PIP5K1B: variants seen among roughly 807,000 people sequenced by gnomAD.
PIP5K1B encodes phosphatidylinositol 4-phosphate 5-kinase type-1 beta.
In PIP5K1B, 42 loss-of-function variants were observed where a neutral mutation model predicts 67.0. The ratio of observed to expected loss-of-function variants is 0.63; its 90% CI spans 0.49 to 0.81. PIP5K1B has a LOEUF of 0.81. Among genes scored for constraint, PIP5K1B ranks in the 30% least tolerant of loss-of-function variants. The probability of loss-of-function intolerance (pLI) is 0.00; values close to 1 mark genes in which losing one functional copy is unlikely to be tolerated. For missense variants in PIP5K1B, 459 were observed against 646.3 expected (o/e 0.71, Z 3.14); for synonymous variants, 214 against 231.4 (o/e 0.92, Z 0.68).
chr9:68,733,485 T>C (rs943222168), intron 1 of PIP5K1B, among the ~76,000 whole-genome samples: 40 of 152,186 alleles, frequency 2.6e-4, no homozygotes, highest in Non-Finnish European at 5.1e-4. Flanking sequence ...AATCCTATTG[T>C]TTATACTATG....
rs140776260 is a variant in PIP5K1B at position 68,815,456 on chromosome 9, A to C, written c.-85-3005A>C. 1.0e-3 allele frequency among the ~76,000 whole-genome samples: 157 copies of C among 152,254 alleles called. 1 individual carries two copies. In the East Asian group the frequency reaches 0.026, roughly 25 times the overall value. On this transcript the variant is annotated intron_variant, in intron 2 of 15. Transcript: ENST00000265382. ...TAAAGAATGTACATATACACATGCAACATTAGGAATGAGGAAAAAAAATTG... is the reference window on the plus strand; with the variant it reads ...TAAAGAATGTACATATACACATGCACCATTAGGAATGAGGAAAAAAAATTG...
intron 6 of PIP5K1B, among the ~76,000 whole-genome samples, chr9:68,887,271 G>A (rs1441816542): frequency 1.3e-5 from 2 of 152,212 alleles, no homozygotes; most frequent in Non-Finnish European, 2.9e-5. Flanking sequence ...ATGAGTGCCT[G>A]GGACATAGCA....
intron 8 of PIP5K1B, among the ~76,000 whole-genome samples, chr9:68,907,417 T>C (rs1463652769): frequency 6.6e-6 from 1 of 152,018 alleles, no homozygotes; most frequent in Non-Finnish European, 1.5e-5. Context: ...ATCATGTGCA[T>C]ATATTAAAAT....
chr9:68,995,802 TCTC>T (rs1830578947), intron 15 of PIP5K1B, among the ~76,000 whole-genome samples: 1 of 116,634 alleles, frequency 8.6e-6, no homozygotes, highest in Non-Finnish European at 1.8e-5. Context: ...CAAAACTCCG[TCTC>T]AAAAAAAAAA....
At chr9:68,866,264 C>G (rs1460911628) in intron 5 of PIP5K1B, among the ~76,000 whole-genome samples, 2 of 150,964 alleles carry the variant, frequency 1.3e-5, no homozygotes, top group African/African-American at 4.9e-5. Flanking sequence ...CCACTGCACT[C>G]CAGTCTGGGC....
intron 13 of PIP5K1B, among the ~76,000 whole-genome samples, chr9:68,939,139 T>G (rs141575424): frequency 1.7e-4 from 26 of 152,198 alleles, no homozygotes; most frequent in African/African-American, 5.3e-4. Flanking sequence ...CATCTTAGAG[T>G]TCTACCTACG....
chr9:68,806,663 T>C (rs998405225), intron 2 of PIP5K1B, among the ~76,000 whole-genome samples: 5 of 152,172 alleles, frequency 3.3e-5, no homozygotes, highest in Non-Finnish European at 5.9e-5. Context: ...AGACATGCCA[T>C]GGCCCTTCCC....
At chr9:68,727,331 G>T (rs995905830) in intron 1 of PIP5K1B, among the ~76,000 whole-genome samples, 1 of 152,114 alleles carries the variant, frequency 6.6e-6, no homozygotes, top group South Asian at 2.1e-4. Context: ...TCACTCTCAC[G>T]AAGTCTTCTA....
intron 12 of PIP5K1B, among the ~76,000 whole-genome samples, chr9:68,928,421 T>C (rs1248922821): frequency 1.3e-5 from 2 of 152,230 alleles, no homozygotes; most frequent in Non-Finnish European, 2.9e-5. Context: ...AATGTGGGAT[T>C]CTTTTTAGTT....
chr9:68,884,386 A>G (rs1270258949), intron 6 of PIP5K1B, among the ~76,000 whole-genome samples: 1 of 151,834 alleles, frequency 6.6e-6, no homozygotes, highest in Non-Finnish European at 1.5e-5. Context: ...TACACAGGCC[A>G]AGCATGGTGG....
chr9:68,827,116 G>A (rs1834028830), intron 4 of PIP5K1B, among the ~76,000 whole-genome samples: 1 of 152,166 alleles, frequency 6.6e-6, no homozygotes, highest in Admixed American at 6.5e-5. Context: ...TGATGTCAGG[G>A]AGTCCAATGA....
At chr9:68,998,554 G>A (rs563155408) in intron 15 of PIP5K1B, among the ~76,000 whole-genome samples, 1 of 152,162 alleles carries the variant, frequency 6.6e-6, no homozygotes, top group African/African-American at 2.4e-5. Flanking sequence ...GAAAGCCAGT[G>A]TTTGCCATTT....
chr9:68,840,801 A>G (rs768073205), intron 4 of PIP5K1B, among the ~76,000 whole-genome samples: 2 of 152,166 alleles, frequency 1.3e-5, no homozygotes, highest in Non-Finnish European at 2.9e-5. Flanking sequence ...ATCAACCTTG[A>G]TCGTATTTGC....
At chr9:68,950,504 G>A (rs983582233) in intron 14 of PIP5K1B, among the ~76,000 whole-genome samples, 1 of 152,100 alleles carries the variant, frequency 6.6e-6, no homozygotes, top group African/African-American at 2.4e-5. Flanking sequence ...GCCTCTCTTC[G>A]AGACGTTTCC....
At chr9:68,744,640 T>C (rs1587375698) in intron 2 of PIP5K1B, among the ~76,000 whole-genome samples, 1 of 152,030 alleles carries the variant, frequency 6.6e-6, no homozygotes, top group Non-Finnish European at 1.5e-5. Flanking sequence ...AGGGGCTGGG[T>C]GGGGAACAGG....
At chr9:68,718,533 A>G (rs1827735028) in intron 1 of PIP5K1B, among the ~76,000 whole-genome samples, 2 of 152,208 alleles carry the variant, frequency 1.3e-5, no homozygotes, top group Admixed American at 1.3e-4. Flanking sequence ...AGGGGCTCAA[A>G]ATAGGGAACC....
chr9:68,745,151 G>T (rs747091794), intron 2 of PIP5K1B, among the ~76,000 whole-genome samples: 3 of 152,176 alleles, frequency 2.0e-5, no homozygotes, highest in Non-Finnish European at 4.4e-5. Flanking sequence ...CTTCCACATC[G>T]TAAGAGCCTC....
chr9:68,929,163 TAAAAAAAAAAA>T (rs60505568), intron 12 of PIP5K1B, among the ~76,000 whole-genome samples: 1 of 101,506 alleles, frequency 9.9e-6, no homozygotes, highest in East Asian at 2.9e-4. Context: ...AGACTCTATC[TAAAAAAAAAAA>T]AAAAAAAAAA....
At chr9:68,900,029 T>A (rs1564216645) in intron 8 of PIP5K1B, among the ~76,000 whole-genome samples, 1 of 152,242 alleles carries the variant, frequency 6.6e-6, no homozygotes, top group Non-Finnish European at 1.5e-5. Flanking sequence ...TTTGGTTTTC[T>A]GTTACTAGGT....
Sources: allele counts gnomAD v4.1 joint callset (sites outside exome capture counted in the v4.1 genomes callset), GRCh38; gene constraint gnomAD v4.1.1; transcripts MANE v1.5; gene names NCBI Gene and HGNC (gene_info 2026-07-23, HGNC 2026-07-21).